The following NUP85 variants were observed in gnomAD, a reference collection of about 807,000 sequenced individuals.
NUP85 encodes nucleoporin 85, also known as nuclear pore complex protein Nup85.
In NUP85, 23 loss-of-function variants were observed where a neutral mutation model predicts 92.8. The ratio of observed to expected loss-of-function variants is 0.25; its 90% CI spans 0.18 to 0.35. NUP85 has a LOEUF of 0.35. Among genes scored for constraint, NUP85 ranks in the 10% least tolerant of loss-of-function variants. The probability of loss-of-function intolerance (pLI) is 1.00; values close to 1 mark genes in which losing one functional copy is unlikely to be tolerated. For missense variants in NUP85, 759 were observed against 822.8 expected (o/e 0.92, Z 0.95); for synonymous variants, 314 against 306.9 (o/e 1.02, Z -0.24).
At chr17:75,217,399 C>T (rs2145307256) in intron 6 of NUP85, among the ~76,000 whole-genome samples, 1 of 150,714 alleles carries the variant, frequency 6.6e-6, no homozygotes, top group African/African-American at 2.4e-5. Flanking sequence ...ATGGGGTCTC[C>T]CTATGTTGCC....
At chr17:75,232,124 AAG>A (rs1231169636) in intron 14 of NUP85, 145 bp downstream of exon 14, 1 of 786,624 alleles carries the variant, frequency 1.3e-6, no homozygotes, top group Non-Finnish European at 2.0e-6. Context: ...GAGGTAAACT[AAG>A]AGATGGGATA....
rs746450855 is a variant in NUP85 at position 75,225,842 on chromosome 17, G to A, written c.987+13G>A. ...CTACTATGCCCAGGTGAGTGAGCTC[G>A]GGGTGGGCAAGGGTGGGGGTAGGAG... On this transcript the variant is annotated intron_variant, in intron 10 of 18. Transcript: ENST00000245544. The A allele has an allele frequency of 4.3e-6, 7 of 1,613,890 alleles. No individual in the cohort carries two copies. The South Asian group carries it at 4.4e-5, about 10-fold the overall frequency.
chr17:75,230,043 A>ATTT (rs2075983932), intron 11 of NUP85, among the ~76,000 whole-genome samples: 3 of 85,684 alleles, frequency 3.5e-5, no homozygotes, highest in Non-Finnish European at 8.6e-5. Flanking sequence ...AGGTGTACAA[A>ATTT]ATTTTTTTTT....
Position 75,233,070 on chromosome 17 carries a change from T to A in NUP85, c.1527T>A (p.Asp509Glu), listed in dbSNP as rs373908468. Residue 509 changes from aspartate (D) to glutamate (E), a missense_variant, in exon 16 of 19, where the codon GAT (aspartate) becomes GAA (glutamate). Coordinates refer to ENST00000245544, the MANE Select transcript of NUP85 (RefSeq NM_024844.5). The part of the protein sequence containing the change: ...ATLVSDRFLR[D>E]YCERGCFSDL... Reference sequence around the variant, plus strand: ...CCGGGCCCTGCAGGTTCCTCAGGGATTACTGTGAGCGAGGCTGCTTTTCTG... The same window carrying A: ...CCGGGCCCTGCAGGTTCCTCAGGGAATACTGTGAGCGAGGCTGCTTTTCTG... The A allele has an allele frequency of 1.9e-6, 3 of 1,613,994 alleles. No homozygotes were observed. In the African/African-American group the frequency reaches 4.0e-5, roughly 22 times the overall value.
chr17:75,217,394 G>T (rs2075464462), intron 6 of NUP85, among the ~76,000 whole-genome samples: 2 of 151,236 alleles, frequency 1.3e-5, no homozygotes, highest in South Asian at 4.2e-4. Flanking sequence ...TAGAGATGGG[G>T]TCTCCCTATG....
At chr17:75,208,497 A>G in intron 1 of NUP85, 30 bp from the exon 2 acceptor site, 1 of 1,154,418 alleles carries the variant, frequency 8.7e-7, no homozygotes, top group Admixed American at 2.0e-5. Flanking sequence ...AACATTTTTC[A>G]TTTTAGATTT....
chr17:75,234,594 T>A (rs1568098192), intron 16 of NUP85, 43 bp from the exon 17 acceptor site: 1 of 1,605,802 alleles, frequency 6.2e-7, no homozygotes, highest in Non-Finnish European at 8.5e-7. Flanking sequence ...TTGGGCAATT[T>A]GGGGGAATAT....
At chr17:75,216,707 G>A (rs2075443582) in intron 6 of NUP85, among the ~76,000 whole-genome samples, 1 of 152,084 alleles carries the variant, frequency 6.6e-6, no homozygotes, top group African/African-American at 2.4e-5. Context: ...CCTCTGTGTA[G>A]CCCTAGCATT....
chr17:75,228,754 T>C (rs868854497), intron 11 of NUP85: 9 of 985,322 alleles, frequency 9.1e-6, no homozygotes, highest in African/African-American at 8.7e-5. Context: ...CATATGAACA[T>C]GGAGAAGGGA....
intron 6 of NUP85, among the ~76,000 whole-genome samples, chr17:75,216,090 C>T (rs537358945): frequency 6.6e-6 from 1 of 152,178 alleles, no homozygotes; most frequent in Admixed American, 6.5e-5. Context: ...AAGGGGGTGT[C>T]AGTGTTAACA....
intron 6 of NUP85, 82 bp from the exon 7 acceptor site, chr17:75,218,103 A>T (rs144052480): frequency 1.3e-6 from 2 of 1,588,906 alleles, no homozygotes; most frequent in Non-Finnish European, 1.7e-6. Context: ...TGTCTGCCTT[A>T]AAGTTCTCTG....
Position 75,235,567 on chromosome 17 carries a change from C to G in NUP85, c.1870-11C>G. 6.2e-7 allele frequency: 1 copy of G among 1,606,418 alleles called. No individual in the cohort carries two copies. The highest frequency in any genetic ancestry group is 8.5e-7 in the Non-Finnish European group (1 of 1,173,112). On this transcript the variant is annotated splice_polypyrimidine_tract_variant and intron_variant, in intron 18 of 18. Coordinates refer to ENST00000245544, the MANE Select transcript of NUP85 (RefSeq NM_024844.5). Reference sequence around the variant, plus strand: ...TGCTCTTAGCTCATGCTGGCGCTCTCTGCTTTGCAGGATGATGACATAGAG... The same window carrying G: ...TGCTCTTAGCTCATGCTGGCGCTCTGTGCTTTGCAGGATGATGACATAGAG...
In NUP85 at chr17:75,225,812, C is replaced by G; in HGVS notation, c.970C>G (p.Leu324Val). ...CAATCCCACAGTAAAACCCATTGAT[C>G]TGCACTACTATGCCCAGGTGAGTGA... is the stretch of plus-strand genomic sequence containing the variant. ...YSNPTVKPIDLHYYAQSSLDL... is the reference protein window; with the variant it reads ...YSNPTVKPIDVHYYAQSSLDL... The change falls in exon 10 of 19, where the codon CTG becomes GTG. Residue 324 changes from leucine (L) to valine (V), a missense_variant. Physicochemically the swap from Leu to Val is conservative, Grantham distance 32. Coordinates refer to ENST00000245544, the MANE Select transcript of NUP85 (RefSeq NM_024844.5). The G allele has an allele frequency of 6.2e-7, 1 of 1,614,024 alleles. No homozygotes were observed. Among genetic ancestry groups the G allele is most frequent in the South Asian group, 1.1e-5 (1 of 91,074 alleles).
rs1362178629 is a variant in NUP85 at position 75,231,075 on chromosome 17, G to A, written c.1095-265G>A. On this transcript the variant is annotated intron_variant, in intron 11 of 18. Transcript: ENST00000245544. This position sits in a 1 kb window ranked among gnomAD's most constrained non-coding sequence, Gnocchi z 4.6. Reference sequence around the variant, plus strand: ...GCTTCTCGAGTAGCTGGGATTACAGGTGTGTGCCACCATGCCTGGCTAATT... The same window carrying A: ...GCTTCTCGAGTAGCTGGGATTACAGATGTGTGCCACCATGCCTGGCTAATT... 4.6e-6 allele frequency: 2 copies of A among 431,178 alleles called. No individual in the cohort carries two copies. The highest frequency in any genetic ancestry group is 2.2e-5 in the South Asian group (1 of 45,402). 26.7% of individuals were successfully genotyped at this position (431,178 alleles called of 1,614,324 possible).
At chr17:75,211,397 A>T (rs985626013) in intron 3 of NUP85, among the ~76,000 whole-genome samples, 7 of 149,574 alleles carry the variant, frequency 4.7e-5, no homozygotes, top group Non-Finnish European at 7.4e-5. Flanking sequence ...AAAGTCCTGT[A>T]ATTCCTTGCT....
chr17:75,210,665 G>A (rs1420456008), intron 3 of NUP85, among the ~76,000 whole-genome samples: 1 of 152,156 alleles, frequency 6.6e-6, no homozygotes, highest in Non-Finnish European at 1.5e-5. Context: ...ACTCAGGTCA[G>A]CTTCTGTGTG....
Position 75,225,142 on chromosome 17 carries a change from C to A in NUP85, c.637C>A (p.Arg213=). ...LVLQGRLDEA[R]QMLSKEADAS... ...GCTGCAGGGCCGGCTGGATGAGGCC[C>A]GACAGATGCTCTCCAAGGAAGCCGA... Residue 213 remains arginine, a synonymous_variant, in exon 8 of 19, where the codon CGA becomes AGA. Transcript: ENST00000245544. 2 of 1,598,016 alleles carry A rather than the reference C, an allele frequency of 1.3e-6. No individual in the cohort carries two copies. The highest frequency in any genetic ancestry group is 1.7e-6 in the Non-Finnish European group (2 of 1,170,654).
At chr17:75,225,041 TCCTCACG>T (rs2075735205) in intron 7 of NUP85, 55 bp from the exon 8 acceptor site, 2 of 1,490,810 alleles carry the variant, frequency 1.3e-6, no homozygotes, top group South Asian at 1.4e-5. Flanking sequence ...GGGACTGGCC[TCCTCACG>T]CCTCGGCAGG....
At position 75,205,811 on chromosome 17, in the gene NUP85, C is replaced by G; in HGVS notation, c.33+17C>G. On this transcript the variant is annotated intron_variant, in intron 1 of 18. Transcript: ENST00000245544. Reference sequence around the variant, plus strand: ...ACAGTCACTGTAAGGGTACCCCGAACAGGCTTGCTCGTCCTTGCGGGTTGA... The same window carrying G: ...ACAGTCACTGTAAGGGTACCCCGAAGAGGCTTGCTCGTCCTTGCGGGTTGA... 2 of 1,613,956 alleles carry G rather than the reference C, an allele frequency of 1.2e-6. No individual in the cohort carries two copies. Among genetic ancestry groups the G allele is most frequent in the Non-Finnish European group, 1.7e-6 (2 of 1,179,850 alleles).
Sources: allele counts gnomAD v4.1 joint callset (sites outside exome capture counted in the v4.1 genomes callset), GRCh38; gene constraint gnomAD v4.1.1; non-coding constraint Gnocchi (gnomAD v3.1); transcripts MANE v1.5; gene names NCBI Gene and HGNC (gene_info 2026-07-23, HGNC 2026-07-21).